SCHIP1: variants seen among roughly 807,000 people sequenced by gnomAD.
SCHIP1 encodes schwannomin interacting protein 1.
SCHIP1 carries 8 observed loss-of-function variants against 29.7 expected under a neutral mutation model. The observed-to-expected ratio is 0.27, with a 90% CI of 0.16 to 0.49. The LOEUF is 0.49. Among genes scored for constraint, SCHIP1 ranks in the 20% least tolerant of loss-of-function variants. SCHIP1 has a pLI of 0.99. For missense variants in SCHIP1, 193 were observed against 294.6 expected, an observed-to-expected ratio of 0.66 and a Z score of 2.52; for synonymous variants, 76 against 94.9, an observed-to-expected ratio of 0.80 and a Z score of 1.16.
the SCHIP1 span, chr3:159,763,614 G>A: frequency 6.5e-6 from 1 of 153,054 alleles, no homozygotes; most frequent in Non-Finnish European, 1.5e-5. Flanking sequence ...ACTGCGGACT[G>A]CGCCGCGCCC....
the SCHIP1 span, among the ~76,000 whole-genome samples, chr3:159,569,096 T>A: frequency 6.6e-6 from 1 of 152,192 alleles, no homozygotes; most frequent in African/African-American, 2.4e-5. Context: ...CCTTTCAACC[T>A]TCCTGAGTCC....
At chr3:159,843,822 CAAAAA>C (rs1161141544) in intron 1 of SCHIP1, among the ~76,000 whole-genome samples, 1 of 39,990 alleles carries the variant, frequency 2.5e-5, no homozygotes, top group South Asian at 1.1e-3. Context: ...GACTCTGTCT[CAAAAA>C]AAAAAAAAAA....
At chr3:159,545,468 T>C in the SCHIP1 span, among the ~76,000 whole-genome samples, 2 of 151,824 alleles carry the variant, frequency 1.3e-5, no homozygotes, top group Non-Finnish European at 2.9e-5. Context: ...GACTCCATGT[T>C]CTTCAGTTTT....
the SCHIP1 span, among the ~76,000 whole-genome samples, chr3:159,628,290 G>C: frequency 6.6e-6 from 1 of 152,136 alleles, no homozygotes; most frequent in Non-Finnish European, 1.5e-5. Flanking sequence ...GGTTAGGGTC[G>C]AATTGTGGAG....
the SCHIP1 span, among the ~76,000 whole-genome samples, chr3:159,678,119 C>G: frequency 6.6e-6 from 1 of 152,218 alleles, no homozygotes; most frequent in Non-Finnish European, 1.5e-5. Flanking sequence ...TCTTATCTGT[C>G]TGTTGTGTTT....
chr3:159,719,467 T>G, the SCHIP1 span, among the ~76,000 whole-genome samples: 1 of 151,918 alleles, frequency 6.6e-6, no homozygotes, highest in South Asian at 2.1e-4. Context: ...TGGGAGAAAA[T>G]TTTTGCAGTC....
the SCHIP1 span, among the ~76,000 whole-genome samples, chr3:159,815,988 G>A: frequency 1.7e-5 from 2 of 119,818 alleles, no homozygotes; most frequent in Non-Finnish European, 3.5e-5. Flanking sequence ...TCTCTCTGTC[G>A]CCCAGGCAGG....
At chr3:159,436,776 A>G in the SCHIP1 span, among the ~76,000 whole-genome samples, 1 of 152,200 alleles carries the variant, frequency 6.6e-6, no homozygotes, top group African/African-American at 2.4e-5. Context: ...GTCAGGTACA[A>G]TTGAGCTTTA....
the SCHIP1 span, among the ~76,000 whole-genome samples, chr3:159,288,501 G>C: frequency 6.6e-6 from 1 of 152,144 alleles, no homozygotes; most frequent in Non-Finnish European, 1.5e-5. Flanking sequence ...ACTTTGGGAG[G>C]CCGGGGCGGG....
the SCHIP1 span, among the ~76,000 whole-genome samples, chr3:159,773,956 G>T: frequency 6.6e-6 from 1 of 152,180 alleles, no homozygotes; most frequent in African/African-American, 2.4e-5. Flanking sequence ...AGATTAAGAT[G>T]CCTGGCGTAG....
chr3:159,675,991 C>T, the SCHIP1 span, among the ~76,000 whole-genome samples: 829 of 152,154 alleles, frequency 5.4e-3, 9 homozygotes, highest in African/African-American at 0.018. Context: ...ATTAGCCAGG[C>T]GTGGTGGCAG....
the SCHIP1 span, among the ~76,000 whole-genome samples, chr3:159,607,246 C>T: frequency 1.3e-5 from 2 of 152,142 alleles, no homozygotes; most frequent in African/African-American, 4.8e-5. Flanking sequence ...GATTTACTAC[C>T]ATTAGTCATT....
chr3:159,722,608 T>A, the SCHIP1 span, among the ~76,000 whole-genome samples: 52 of 152,344 alleles, frequency 3.4e-4, 1 homozygote, highest in South Asian at 0.011. Flanking sequence ...TGTGTATGTG[T>A]ATGTGTGTGT....
chr3:159,417,917 C>T, the SCHIP1 span, among the ~76,000 whole-genome samples: 46 of 152,256 alleles, frequency 3.0e-4, no homozygotes, highest in African/African-American at 1.0e-3. Flanking sequence ...ATCCCAGTCA[C>T]CCCAGCCCAC....
chr3:159,362,495 A>G, the SCHIP1 span, among the ~76,000 whole-genome samples: 3 of 152,204 alleles, frequency 2.0e-5, no homozygotes, highest in Non-Finnish European at 4.4e-5. Flanking sequence ...CAGATCTTTC[A>G]TGTGATACAT....
chr3:159,891,417 C>CGAGG (rs1717533883), intron 5 of SCHIP1, among the ~76,000 whole-genome samples: 1 of 150,662 alleles, frequency 6.6e-6, no homozygotes, highest in Non-Finnish European at 1.5e-5. Context: ...AGGAAGGGAG[C>CGAGG]GAGGGAGGGA....
At chr3:159,590,541 A>C in the SCHIP1 span, among the ~76,000 whole-genome samples, 2 of 151,818 alleles carry the variant, frequency 1.3e-5, no homozygotes, top group African/African-American at 4.9e-5. Flanking sequence ...GTGCCACTGC[A>C]CTCCAGCCTG....
chr3:159,805,840 G>A, the SCHIP1 span, among the ~76,000 whole-genome samples: 18 of 138,500 alleles, frequency 1.3e-4, no homozygotes, highest in South Asian at 2.2e-4. Flanking sequence ...AGGGAGTCTC[G>A]CTCTGTCACC....
chr3:159,848,385 TC>T (rs917600506), intron 1 of SCHIP1, among the ~76,000 whole-genome samples: 6 of 152,154 alleles, frequency 3.9e-5, no homozygotes. Flanking sequence ...AGTGGCTGTC[TC>T]CCCATTTGCA....
Sources: gnomAD v4.1 joint callset for allele counts (sites outside exome capture counted in the v4.1 genomes callset) on GRCh38, gnomAD v4.1.1 for gene constraint, MANE v1.5 for transcripts, NCBI Gene and HGNC (gene_info 2026-07-23, HGNC 2026-07-21) for gene names.